The following EXOC1 variants were observed in gnomAD, a reference collection of about 807,000 sequenced individuals.
EXOC1 encodes the protein SEC3-like 1.
A neutral mutation model predicts 107.7 loss-of-function variants in EXOC1; 67 were observed. The ratio of observed to expected loss-of-function variants is 0.62; its 90% CI spans 0.51 to 0.76. The LOEUF is 0.76. Among genes scored for constraint, EXOC1 ranks in the 30% least tolerant of loss-of-function variants. EXOC1 has a pLI of 0.00. For synonymous variants in EXOC1, 348 were observed against 353.5 expected (o/e 0.98, Z 0.17); for missense variants, 833 against 1,055.7 (o/e 0.79, Z 2.92).
At chr4:55,879,239 A>G (rs1560345332) in intron 9 of EXOC1, among the ~76,000 whole-genome samples, 1 of 152,220 alleles carries the variant, frequency 6.6e-6, no homozygotes, top group Non-Finnish European at 1.5e-5. Context: ...TCTAGAGGAG[A>G]CAGACAGACA....
intron 1 of EXOC1, among the ~76,000 whole-genome samples, chr4:55,856,534 A>G (rs1174512016): frequency 6.6e-6 from 1 of 152,218 alleles, no homozygotes; most frequent in Non-Finnish European, 1.5e-5. Flanking sequence ...GTTTTACAAA[A>G]TAGTCATTGT....
intron 10 of EXOC1, among the ~76,000 whole-genome samples, chr4:55,888,434 T>G (rs1418940007): frequency 6.6e-6 from 1 of 152,152 alleles, no homozygotes; most frequent in Non-Finnish European, 1.5e-5. Context: ...ATTTAGTCAG[T>G]GGAGAATCCT....
chr4:55,879,982 A>G (rs1483811803), intron 9 of EXOC1, among the ~76,000 whole-genome samples: 1 of 152,182 alleles, frequency 6.6e-6, no homozygotes, highest in East Asian at 1.9e-4. Context: ...GAATGAGAAT[A>G]TTGGAATTGC....
chr4:55,877,507 A>T, intron 8 of EXOC1: 1 of 984,882 alleles, frequency 1.0e-6, no homozygotes. Context: ...TCTAATGGGA[A>T]TACCATAAAT....
Position 55,904,837 on chromosome 4 carries a change from T to C in EXOC1, c.*342T>C, listed in dbSNP as rs1365004992. The C allele has an allele frequency of 5.7e-6, 1 of 175,788 alleles. No individual in the cohort carries two copies. Among genetic ancestry groups the C allele is most frequent in the Non-Finnish European group, 1.2e-5 (1 of 84,202 alleles). The allele number at this position is 175,788 out of a possible 1,614,324, so 10.9% of individuals were successfully genotyped here. The stretch of plus-strand genomic sequence containing the variant: ...AGCAATGCATTTGGAGTTCTTCAGC[T>C]TTCACTACTTCTCTGTTGCTTGCTA... On this transcript the variant is annotated 3_prime_UTR_variant, in exon 19 of 19. Transcript: ENST00000381295.
intron 14 of EXOC1, among the ~76,000 whole-genome samples, chr4:55,893,298 T>C (rs1724798930): frequency 6.6e-6 from 1 of 152,134 alleles, no homozygotes; most frequent in Admixed American, 6.5e-5. Flanking sequence ...TTTTGTACTT[T>C]TGGTAGAGAC....
At chr4:55,870,939 A>G in intron 6 of EXOC1, 34 bp downstream of exon 6, 1 of 1,573,398 alleles carries the variant, frequency 6.4e-7, no homozygotes, top group South Asian at 1.2e-5. Flanking sequence ...ACAAAAAAAA[A>G]CTAGTGATGA....
In EXOC1 at chr4:55,904,542, A is replaced by C. The variant is rs17086150; in HGVS notation, c.*47A>C. 0.081 allele frequency: 124,245 copies of C among 1,539,162 alleles called. 5,472 individuals carry two copies. The highest frequency in any genetic ancestry group is 0.12 in the African/African-American group (8,645 of 72,196). On this transcript the variant is annotated 3_prime_UTR_variant, in exon 19 of 19. Coordinates refer to ENST00000381295, the MANE Select transcript of EXOC1 (RefSeq NM_001024924.2). ...TAACTGAATGAAGCATTTGAGTATA[A>C]CAGACACTATACCAAAATACCAAGC...
At chr4:55,869,610 G>A (rs1722248684) in intron 5 of EXOC1, among the ~76,000 whole-genome samples, 1 of 152,196 alleles carries the variant, frequency 6.6e-6, no homozygotes, top group Non-Finnish European at 1.5e-5. Flanking sequence ...AGTTTACAGA[G>A]TTCACTGAAA....
intron 5 of EXOC1, among the ~76,000 whole-genome samples, chr4:55,870,275 A>G (rs2110333809): frequency 6.6e-6 from 1 of 152,354 alleles, no homozygotes; most frequent in East Asian, 1.9e-4. Context: ...GTGTTAAGAA[A>G]ATTTCTAGCT....
At chr4:55,862,134 T>G (rs985421521) in intron 3 of EXOC1, among the ~76,000 whole-genome samples, 1 of 152,232 alleles carries the variant, frequency 6.6e-6, no homozygotes, top group African/African-American at 2.4e-5. Context: ...CTTTTCTGGT[T>G]GTTTTCTGTT....
chr4:55,895,166 A>T (rs888950384), intron 15 of EXOC1, among the ~76,000 whole-genome samples: 2 of 152,136 alleles, frequency 1.3e-5, no homozygotes, highest in African/African-American at 2.4e-5. Context: ...TTTTGATAAG[A>T]TCTTATCTCT....
At chr4:55,872,829 T>A (rs1722566385) in intron 8 of EXOC1, 2 of 952,016 alleles carry the variant, frequency 2.1e-6, no homozygotes, top group Non-Finnish European at 2.5e-6. Context: ...CAAATTTGGC[T>A]CAAGCTTCTC....
At chr4:55,894,714 C>G (rs948040961) in intron 15 of EXOC1, among the ~76,000 whole-genome samples, 5 of 148,550 alleles carry the variant, frequency 3.4e-5, no homozygotes, top group African/African-American at 9.9e-5. Context: ...CCTCCGCCTC[C>G]TGGGTTCAAG....
intron 15 of EXOC1, 36 bp downstream of exon 15, chr4:55,893,816 C>G (rs968221173): frequency 6.7e-7 from 1 of 1,495,502 alleles, no homozygotes; most frequent in Non-Finnish European, 9.2e-7. Context: ...CCTTAGCATC[C>G]TAGTCATTGC....
chr4:55,886,552 CAAAAAACA>C (rs774957758), intron 10 of EXOC1, among the ~76,000 whole-genome samples: 44 of 117,816 alleles, frequency 3.7e-4, no homozygotes, highest in Middle Eastern at 5.6e-3. Flanking sequence ...GACCCTGTCT[CAAAAAACA>C]AAAAAACAAA....
intron 5 of EXOC1, 65 bp downstream of exon 5, chr4:55,868,588 A>C: frequency 7.0e-7 from 1 of 1,434,796 alleles, no homozygotes; most frequent in Non-Finnish European, 9.6e-7. Flanking sequence ...AATGATGTTC[A>C]TATTATACTA....
chr4:55,866,388 G>A (rs1324921814), intron 4 of EXOC1, among the ~76,000 whole-genome samples: 1 of 151,918 alleles, frequency 6.6e-6, no homozygotes, highest in Admixed American at 6.6e-5. Flanking sequence ...ATCCTTAAAT[G>A]CTGGCTTGAA....
chr4:55,890,266 T>C lies in EXOC1; in HGVS notation c.1419T>C (p.Ser473=). Reference sequence around the variant, plus strand: ...GGAAATTAACTGGATCTACTTCTAGTCTAAATAAGCTCAGTGTTCAGAGTT... The same window carrying C: ...GGAAATTAACTGGATCTACTTCTAGCCTAAATAAGCTCAGTGTTCAGAGTT... ...SSGKLTGSTS[S]LNKLSVQSSG... is the part of the protein sequence containing the mutation. The change falls in exon 12 of 19, where the codon AGT becomes AGC. Residue 473 remains serine (S), a synonymous_variant. Coordinates refer to ENST00000381295, the MANE Select transcript of EXOC1 (RefSeq NM_001024924.2). 1 of 1,614,046 alleles carries C rather than the reference T, an allele frequency of 6.2e-7. No individual in the cohort carries two copies. The highest frequency in any genetic ancestry group is 1.1e-5 in the South Asian group (1 of 91,078).
Sources: allele counts gnomAD v4.1 joint callset (sites outside exome capture counted in the v4.1 genomes callset), GRCh38; gene constraint gnomAD v4.1.1; transcripts MANE v1.5; gene names NCBI Gene and HGNC (gene_info 2026-07-23, HGNC 2026-07-21).